The following MSTO1 variants were observed in gnomAD, a reference collection of about 807,000 sequenced individuals.
MSTO1 encodes misato mitochondrial distribution and morphology regulator 1, also known as protein misato homolog 1.
MSTO1 carries 24 observed loss-of-function variants against 55.7 expected under a neutral mutation model. The observed-to-expected ratio is 0.43, with a 90% confidence interval of 0.31 to 0.61. The LOEUF (loss-of-function observed/expected upper bound fraction) is 0.61, where lower values mean the gene tolerates loss of function less well. Among genes scored for constraint, MSTO1 ranks in the 20% least tolerant of loss-of-function variants. The pLI, the probability that MSTO1 is intolerant of heterozygous loss-of-function variation, is 0.09. For missense variants in MSTO1, 363 were observed against 625.7 expected (o/e 0.58, Z 4.48); for synonymous variants, 162 against 252.8 (o/e 0.64, Z 3.41).
the MSTO1 span, chr1:155,586,495 G>A: frequency 6.0e-6 from 1 of 167,502 alleles, no homozygotes; most frequent in Non-Finnish European, 1.3e-5. Context: ...GCTTGTTTGT[G>A]TCTTTTGCTC....
At chr1:155,580,526 G>A in the MSTO1 span, among the ~76,000 whole-genome samples, 2 of 151,910 alleles carry the variant, frequency 1.3e-5, no homozygotes, top group African/African-American at 4.8e-5. Flanking sequence ...ATAGTCTTTG[G>A]GATACCTTTC....
At chr1:155,598,809 A>G in the MSTO1 span, 2 of 1,230,878 alleles carry the variant, frequency 1.6e-6, no homozygotes, top group African/African-American at 1.5e-5. Flanking sequence ...TTTCTTTAAC[A>G]ACATATATTT....
the MSTO1 span, among the ~76,000 whole-genome samples, chr1:155,599,701 T>A: frequency 3.1e-3 from 474 of 152,288 alleles, 3 homozygotes; most frequent in African/African-American, 0.011. Flanking sequence ...CTGAGTTCCC[T>A]TAGTATTTAT....
At chr1:155,582,457 AT>A in the MSTO1 span, among the ~76,000 whole-genome samples, 1 of 151,632 alleles carries the variant, frequency 6.6e-6, no homozygotes, top group South Asian at 2.1e-4. Flanking sequence ...CTGCTTATAG[AT>A]TTTTTGTTTG....
At chr1:155,603,191 C>T in the MSTO1 span, among the ~76,000 whole-genome samples, 2 of 151,832 alleles carry the variant, frequency 1.3e-5, no homozygotes, top group Non-Finnish European at 2.9e-5. Context: ...ATGGTGAAAC[C>T]CCATCTCTAC....
chr1:155,613,407 T>C, intron 11 of MSTO1, 55 bp from the exon 12 acceptor site: 2 of 1,609,488 alleles, frequency 1.2e-6, no homozygotes, highest in Non-Finnish European at 1.7e-6. Flanking sequence ...ATAAGAATTC[T>C]GTTTCTTATT....
chr1:155,565,306 A>G, the MSTO1 span, among the ~76,000 whole-genome samples: 5 of 151,922 alleles, frequency 3.3e-5, no homozygotes, highest in African/African-American at 9.7e-5. Flanking sequence ...AAAAAAAAAA[A>G]AAAAAGAAAA....
chr1:155,565,108 G>A, the MSTO1 span, among the ~76,000 whole-genome samples: 4 of 151,496 alleles, frequency 2.6e-5, no homozygotes, highest in African/African-American at 7.3e-5. Context: ...GCAACAGTGC[G>A]AGACTTTGTC....
At chr1:155,575,518 CTG>C in the MSTO1 span, among the ~76,000 whole-genome samples, 1 of 152,014 alleles carries the variant, frequency 6.6e-6, no homozygotes, top group Non-Finnish European at 1.5e-5. Flanking sequence ...TCACGGCTCA[CTG>C]CAGCCTCAGC....
upstream of MSTO1, among the ~76,000 whole-genome samples, chr1:155,607,105 T>C (rs1672948264): frequency 6.6e-6 from 1 of 152,036 alleles, no homozygotes; most frequent in Admixed American, 6.6e-5. Flanking sequence ...GTGCTGGGAT[T>C]ACAGGTGTGA....
the MSTO1 span, chr1:155,590,531 T>G: frequency 1.3e-6 from 1 of 751,972 alleles, no homozygotes; most frequent in Non-Finnish European, 2.2e-6. Flanking sequence ...TATGAACCCA[T>G]CCCAAAGCTG....
the MSTO1 span, among the ~76,000 whole-genome samples, chr1:155,604,375 G>A: frequency 2.9e-4 from 44 of 152,226 alleles, no homozygotes; most frequent in Admixed American, 2.8e-3. Context: ...TCATACAGCC[G>A]TGTACTCTGA....
the MSTO1 span, among the ~76,000 whole-genome samples, chr1:155,595,473 C>T: frequency 3.4e-5 from 5 of 149,034 alleles, no homozygotes; most frequent in Non-Finnish European, 7.4e-5. Flanking sequence ...CCACCGCGCC[C>T]GGCCTCAATT....
chr1:155,595,153 C>T, the MSTO1 span, among the ~76,000 whole-genome samples: 27 of 142,982 alleles, frequency 1.9e-4, no homozygotes, highest in South Asian at 2.0e-3. Flanking sequence ...AAAAAAAAAA[C>T]GCTTTCCTGC....
chr1:155,606,454 A>C (rs193173108), upstream of MSTO1, among the ~76,000 whole-genome samples: 201 of 147,726 alleles, frequency 1.4e-3, no homozygotes, highest in Non-Finnish European at 2.2e-3. Context: ...GAGCGCAATG[A>C]CATGATCTTG....
At chr1:155,573,548 T>A in the MSTO1 span, among the ~76,000 whole-genome samples, 14 of 150,090 alleles carry the variant, frequency 9.3e-5, no homozygotes, top group Non-Finnish European at 1.6e-4. Flanking sequence ...AAAAAAAAAA[T>A]ACGAACTGAC....
At chr1:155,574,516 C>T in the MSTO1 span, among the ~76,000 whole-genome samples, 36 of 151,952 alleles carry the variant, frequency 2.4e-4, no homozygotes, top group African/African-American at 7.5e-4. Context: ...GAAGAGTGTA[C>T]GAAAGCTCTT....
At chr1:155,566,964 G>T in the MSTO1 span, among the ~76,000 whole-genome samples, 1 of 152,088 alleles carries the variant, frequency 6.6e-6, no homozygotes, top group Non-Finnish European at 1.5e-5. Context: ...CTGCAGACTA[G>T]CTCCCATGCT....
At chr1:155,600,587 G>A in the MSTO1 span, among the ~76,000 whole-genome samples, 24 of 149,392 alleles carry the variant, frequency 1.6e-4, no homozygotes, top group Admixed American at 6.6e-4. Context: ...TTGCTCTGTC[G>A]CCCAGACTGG....
Sources: allele counts gnomAD v4.1 joint callset (sites outside exome capture counted in the v4.1 genomes callset), GRCh38; gene constraint gnomAD v4.1.1; transcripts MANE v1.5; gene names NCBI Gene and HGNC (gene_info 2026-07-23, HGNC 2026-07-21).